The following TMEM164 variants were observed in gnomAD, a reference collection of about 807,000 sequenced individuals.
The protein encoded by TMEM164 is RP13-360B22.2.
A neutral mutation model predicts 18.8 loss-of-function variants in TMEM164; 4 were observed. The ratio of observed to expected loss-of-function variants is 0.21; its 90% CI spans 0.10 to 0.49. TMEM164 has a LOEUF of 0.49. TMEM164 is among the 20% of genes least tolerant of loss of function. TMEM164 has a pLI of 0.98. For synonymous variants in TMEM164, 86 were observed against 101.7 expected (o/e 0.85, Z 0.93); for missense variants, 108 against 239.9 (o/e 0.45, Z 3.63).
chrX:110,033,460 G>A (rs1274809228), intron 2 of TMEM164, among the ~76,000 whole-genome samples: 2 of 111,999 alleles, frequency 1.8e-5, no homozygotes, highest in African/African-American at 6.5e-5. Flanking sequence ...TCCTTTGGCT[G>A]TGTTCATGCC....
At chrX:110,026,883 A>G (rs1769522673) in intron 2 of TMEM164, among the ~76,000 whole-genome samples, 1 of 112,243 alleles carries the variant, frequency 8.9e-6, no homozygotes, top group African/African-American at 3.2e-5. Context: ...TCATTTTTGT[A>G]TCCAGCAACC....
intron 5 of TMEM164, among the ~76,000 whole-genome samples, chrX:110,163,670 C>T (rs183676979): frequency 1.8e-3 from 207 of 112,365 alleles, no homozygotes; most frequent in Non-Finnish European, 3.2e-3. Context: ...TATTAAAGTA[C>T]TTTCCGTTTA....
At chrX:110,074,247 T>C (rs1040436312) in intron 3 of TMEM164, among the ~76,000 whole-genome samples, 3 of 111,855 alleles carry the variant, frequency 2.7e-5, no homozygotes, top group Admixed American at 1.9e-4. Flanking sequence ...TGGCTGCTTG[T>C]ATGCCTTCTT....
rs189683634 is a variant in TMEM164, at chrX:110,109,228, A to G, written c.507+82A>G. The G allele has an allele frequency of 1.5e-5, 15 of 984,006 alleles. No individual in the cohort carries two copies. In the East Asian group the frequency reaches 4.1e-4, roughly 27 times the overall value. The allele number at this position is 984,006 out of a possible 1,213,427, so 81.1% of individuals were successfully genotyped here. Reference sequence around the variant, plus strand: ...TGCCCATGTGATTTTAAAAATATACATATAGCTGGCCAGGCGCGGTGGCTC... The same window carrying G: ...TGCCCATGTGATTTTAAAAATATACGTATAGCTGGCCAGGCGCGGTGGCTC... On this transcript the variant is annotated intron_variant, in intron 4 of 6. Transcript: ENST00000372068.
At chrX:110,115,548 A>T (rs1490289175) in intron 4 of TMEM164, among the ~76,000 whole-genome samples, 3 of 111,256 alleles carry the variant, frequency 2.7e-5, no homozygotes, top group African/African-American at 9.8e-5. Context: ...ATGTCAACTT[A>T]GTAGCTTTAT....
At chrX:110,151,236 T>C (rs1448639267) in intron 5 of TMEM164, among the ~76,000 whole-genome samples, 2 of 112,278 alleles carry the variant, frequency 1.8e-5, no homozygotes, top group African/African-American at 6.5e-5. Flanking sequence ...AGAATATCTA[T>C]AGGATATATT....
rs773103821 is a variant in TMEM164 at position 110,136,591 on chromosome X, A to G, written c.508-8207A>G. On this transcript the variant is annotated intron_variant, in intron 4 of 6. Coordinates refer to ENST00000372068, the MANE Select transcript of TMEM164 (RefSeq NM_032227.4). ...CTCACTTGGCACCTGATCATTAACC[A>G]TGGACTCTTCTGGTAAGGCCAAGTC... 2.7e-5 allele frequency among the ~76,000 whole-genome samples: 3 copies of G among 111,653 alleles called. No homozygotes were observed. In the East Asian group the frequency reaches 8.4e-4, roughly 31 times the overall value.
At chrX:110,172,681 C>G (rs960183459) in intron 6 of TMEM164, among the ~76,000 whole-genome samples, 2 of 112,010 alleles carry the variant, frequency 1.8e-5, no homozygotes, top group African/African-American at 6.5e-5. Context: ...GGGCAACCCT[C>G]ACCCCATTCC....
chrX:110,163,014 A>T (rs1019090701), intron 5 of TMEM164, among the ~76,000 whole-genome samples: 11 of 112,373 alleles, frequency 9.8e-5, no homozygotes, highest in Non-Finnish European at 1.5e-4. Flanking sequence ...ATCATCCCTG[A>T]CTTCGTTTAT....
intron 3 of TMEM164, among the ~76,000 whole-genome samples, chrX:110,072,547 T>C (rs1284953454): frequency 9.0e-6 from 1 of 110,953 alleles, no homozygotes; most frequent in Non-Finnish European, 1.9e-5. Flanking sequence ...TCCTCTTATT[T>C]TATAATTTAA....
intron 2 of TMEM164, among the ~76,000 whole-genome samples, chrX:110,016,513 A>G (rs966560861): frequency 8.9e-6 from 1 of 111,812 alleles, no homozygotes; most frequent in South Asian, 3.7e-4. Flanking sequence ...ATCTTTGTAC[A>G]CTCTCAGAAA....
chrX:110,141,541 A>G (rs1175982701), intron 4 of TMEM164, among the ~76,000 whole-genome samples: 2 of 111,613 alleles, frequency 1.8e-5, no homozygotes, highest in African/African-American at 6.5e-5. Context: ...TTATAAAACC[A>G]TCAGATCTCA....
intron 2 of TMEM164, among the ~76,000 whole-genome samples, chrX:110,019,812 T>G (rs1282988885): frequency 8.9e-6 from 1 of 112,207 alleles, no homozygotes; most frequent in Non-Finnish European, 1.9e-5. Context: ...AGAGAAATCT[T>G]AATCTCCTTA....
At chrX:110,096,968 A>T (rs188484528) in intron 3 of TMEM164, among the ~76,000 whole-genome samples, 12 of 112,011 alleles carry the variant, frequency 1.1e-4, no homozygotes, top group Admixed American at 2.9e-4. Context: ...AGAAACAGAA[A>T]GTCAGTGCAG....
chrX:110,044,603 T>G (rs1378796989), intron 2 of TMEM164, among the ~76,000 whole-genome samples: 1 of 93,966 alleles, frequency 1.1e-5, no homozygotes, highest in Non-Finnish European at 2.1e-5. Flanking sequence ...CTTTTTTTTT[T>G]TTTTTTTTTT....
In TMEM164 at chrX:110,174,702, C is replaced by T. The variant is rs1403605419; in HGVS notation, c.*1251C>T. On this transcript the variant is annotated 3_prime_UTR_variant, in exon 7 of 7. Transcript: ENST00000372068. ...CATGGGTGGAGGTTCAGGTGCTCCA[C>T]AAGGAGGAGCTTTTGTTGAAGGACT... 1 of 111,180 alleles carries T rather than the reference C, an allele frequency of 9.0e-6. No individual in the cohort carries two copies. The highest frequency in any genetic ancestry group is 1.9e-5 in the Non-Finnish European group (1 of 52,973). 9.2% of individuals were successfully genotyped at this position (111,180 alleles called of 1,213,427 possible).
intron 4 of TMEM164, among the ~76,000 whole-genome samples, chrX:110,132,862 T>C (rs1421292116): frequency 1.8e-5 from 2 of 112,390 alleles, no homozygotes; most frequent in Non-Finnish European, 3.8e-5. Context: ...AAGGGTGTTA[T>C]GAAGATAAAA....
chrX:110,180,691 A>C (rs1009317239), downstream of TMEM164, among the ~76,000 whole-genome samples: 1 of 111,642 alleles, frequency 9.0e-6, no homozygotes, highest in Non-Finnish European at 1.9e-5. Context: ...TGCATTTCAC[A>C]CTGAGGCAGG....
chrX:110,118,059 T>C (rs2066397215), intron 4 of TMEM164, among the ~76,000 whole-genome samples: 1 of 111,929 alleles, frequency 8.9e-6, no homozygotes, highest in Non-Finnish European at 1.9e-5. Flanking sequence ...GTCACAGGCA[T>C]GCGCCACCAC....
Sources: allele counts gnomAD v4.1 joint callset (sites outside exome capture counted in the v4.1 genomes callset), GRCh38; gene constraint gnomAD v4.1.1; transcripts MANE v1.5; gene names NCBI Gene and HGNC (gene_info 2026-07-23, HGNC 2026-07-21).